Variants in PLEKHG4B observed in about 807,000 individuals in gnomAD.
PLEKHG4B encodes pleckstrin homology and RhoGEF domain containing G4B, also known as pleckstrin homology domain-containing family G member 4B.
Under a neutral mutation model 121.3 loss-of-function variants are expected in PLEKHG4B, and 111 were observed. The observed-to-expected ratio is 0.92, with a 90% confidence interval of 0.78 to 1.07. The LOEUF is 1.07. Among genes scored for constraint, PLEKHG4B ranks in the 50% least tolerant of loss-of-function variants. PLEKHG4B has a pLI of 0.00. For synonymous variants in PLEKHG4B, 738 were observed against 725.0 expected (o/e 1.02, Z -0.29); for missense variants, 1,831 against 1,757.8 (o/e 1.04, Z -0.74).
In PLEKHG4B at chr5:147,270, G is replaced by A. The variant is rs1187406752; in HGVS notation, c.1905+2350G>A. 2.0e-5 allele frequency among the ~76,000 whole-genome samples: 3 copies of A among 152,254 alleles called. No homozygotes were observed. The South Asian group carries it at 6.2e-4, about 31-fold the overall frequency. On this transcript the variant is annotated intron_variant, in intron 6 of 19. Coordinates refer to ENST00000637938, the MANE Select transcript of PLEKHG4B (RefSeq NM_052909.5). ...GCCTCAGGGAGGCCTGGAGCCAGGGGAGGCACTGATCAGAGAGGTTCTGAG... is the reference window on the plus strand; with the variant it reads ...GCCTCAGGGAGGCCTGGAGCCAGGGAAGGCACTGATCAGAGAGGTTCTGAG...
At chr5:153,500 G>T (rs1021970731) in intron 7 of PLEKHG4B, among the ~76,000 whole-genome samples, 2 of 152,150 alleles carry the variant, frequency 1.3e-5, no homozygotes, top group East Asian at 3.8e-4. Context: ...CCCCATGTAT[G>T]CACGGTTCAG....
chr5:126,181 T>G (rs542293871), intron 2 of PLEKHG4B, among the ~76,000 whole-genome samples: 1 of 152,342 alleles, frequency 6.6e-6, no homozygotes, highest in South Asian at 2.1e-4. Flanking sequence ...TCTTCAAATA[T>G]TCTATGCCTT....
chr5:166,347 G>A (rs1579317250), intron 13 of PLEKHG4B, among the ~76,000 whole-genome samples: 3 of 80,070 alleles, frequency 3.7e-5, no homozygotes, highest in Middle Eastern at 9.4e-3. Flanking sequence ...CTGACGGGGC[G>A]GGGCTCACAC....
At chr5:108,047 C>A (rs1397813484) in intron 1 of PLEKHG4B, among the ~76,000 whole-genome samples, 1 of 152,178 alleles carries the variant, frequency 6.6e-6, no homozygotes, top group Non-Finnish European at 1.5e-5. Flanking sequence ...TCTGGAGCAC[C>A]CAGCCATCCC....
chr5:112,111 T>A (rs1734176386), intron 1 of PLEKHG4B, among the ~76,000 whole-genome samples: 1 of 152,184 alleles, frequency 6.6e-6, no homozygotes, highest in African/African-American at 2.4e-5. Flanking sequence ...AGTGGCCCTG[T>A]CGGGTGAGTG....
chr5:158,158 C>T (rs1298452416), intron 11 of PLEKHG4B, among the ~76,000 whole-genome samples: 3 of 151,794 alleles, frequency 2.0e-5, no homozygotes, highest in Non-Finnish European at 2.9e-5. Context: ...CCTCCATCTC[C>T]CCTCCTCCCT....
At chr5:163,681 C>G in intron 13 of PLEKHG4B, 133 bp downstream of exon 13, 2 of 789,282 alleles carry the variant, frequency 2.5e-6, no homozygotes, top group Non-Finnish European at 3.9e-6. Flanking sequence ...TCCACCTGTC[C>G]GGTCTAAGAA....
chr5:175,599 C>T (rs1736736850), intron 18 of PLEKHG4B, among the ~76,000 whole-genome samples: 1 of 150,416 alleles, frequency 6.6e-6, no homozygotes, highest in Non-Finnish European at 1.5e-5. Flanking sequence ...ACGGCTGCAC[C>T]CCGCCTGAGC....
Position 162,957 on chromosome 5 carries a change from C to A in PLEKHG4B, c.2885C>A (p.Ala962Asp), listed in dbSNP as rs1458031981. 3 of 1,559,062 alleles carry A rather than the reference C, an allele frequency of 1.9e-6. 1 individual carries two copies. In the South Asian group the frequency reaches 3.6e-5, roughly 19 times the overall value. The part of the protein sequence containing the change: ...LRLEEALSEA[A>D]PDPSLPPLAQ... ...CTGGAAGAGGCCCTTTCTGAGGCTG[C>A]CCCAGACCCCAGCTTACCGCCCCTT... Residue 962 changes from alanine (A) to aspartate (D), a missense_variant, in exon 13 of 20, where the codon GCC becomes GAC. By Grantham distance (126) the Ala-to-Asp change is moderately radical. Coordinates refer to ENST00000637938, the MANE Select transcript of PLEKHG4B (RefSeq NM_052909.5).
intron 2 of PLEKHG4B, among the ~76,000 whole-genome samples, chr5:126,303 T>C (rs1225369641): frequency 2.0e-5 from 3 of 152,226 alleles, no homozygotes; most frequent in Non-Finnish European, 4.4e-5. Flanking sequence ...AAATCCACCT[T>C]TGAACCCCTT....
At chr5:104,697 G>A (rs1415476446) in intron 1 of PLEKHG4B, among the ~76,000 whole-genome samples, 1 of 152,162 alleles carries the variant, frequency 6.6e-6, no homozygotes, top group Non-Finnish European at 1.5e-5. Context: ...GGCCTTGCCT[G>A]GCCTCAGGCA....
chr5:123,533 C>T (rs553759481), intron 2 of PLEKHG4B, among the ~76,000 whole-genome samples: 1 of 152,264 alleles, frequency 6.6e-6, no homozygotes, highest in South Asian at 2.1e-4. Flanking sequence ...TTTTAAATTA[C>T]TGATTCAATC....
intron 1 of PLEKHG4B, among the ~76,000 whole-genome samples, chr5:102,570 C>A (rs1307052927): frequency 1.3e-5 from 2 of 152,210 alleles, no homozygotes; most frequent in African/African-American, 2.4e-5. Flanking sequence ...TCTGCCCGTG[C>A]TTCCGCCTGT....
rs114838885 is a variant in PLEKHG4B at position 126,961 on chromosome 5, T to C, written c.244-12522T>C. ...GGTTGGACCAGGTGTGACATTTACA[T>C]AGTGTGCGGGTCGGGGAAGCTGGCC... On this transcript the variant is annotated intron_variant, in intron 2 of 19. Transcript: ENST00000637938. Among the ~76,000 whole-genome samples, 429 of 152,286 alleles carry C rather than the reference T, an allele frequency of 2.8e-3. 1 individual carries two copies. The highest frequency in any genetic ancestry group is 9.4e-3 in the African/African-American group (389 of 41,562).
At chr5:104,657 T>A (rs1337633311) in intron 1 of PLEKHG4B, among the ~76,000 whole-genome samples, 1 of 152,182 alleles carries the variant, frequency 6.6e-6, no homozygotes, top group Admixed American at 6.5e-5. Context: ...ATTTTGATAA[T>A]CATTTTTCTG....
At chr5:106,224 C>T (rs966013231) in intron 1 of PLEKHG4B, among the ~76,000 whole-genome samples, 8 of 152,142 alleles carry the variant, frequency 5.3e-5, no homozygotes, top group African/African-American at 1.9e-4. Flanking sequence ...AAGAACTGGG[C>T]ATAGCATATT....
chr5:145,202 C>G (rs2126408644), intron 6 of PLEKHG4B, among the ~76,000 whole-genome samples: 1 of 152,350 alleles, frequency 6.6e-6, no homozygotes, highest in Middle Eastern at 3.4e-3. Flanking sequence ...ACCTAAAATG[C>G]AAAGCCAGCC....
rs1491518792 is a variant in PLEKHG4B at position 141,585 on chromosome 5, C to CA, written c.1477+870dup. 2.6e-5 allele frequency among the ~76,000 whole-genome samples: 4 copies of CA among 151,900 alleles called. No individual in the cohort carries two copies. The East Asian group carries it at 7.9e-4, about 30-fold the overall frequency. Reference sequence around the variant, plus strand: ...GACCTCACATCCAGATCCGTAGACTCAGTTTCCAACTGGAGGCCACATTCA... The same window carrying CA: ...GACCTCACATCCAGATCCGTAGACTCAAGTTTCCAACTGGAGGCCACATTCA... On this transcript the variant is annotated intron_variant, in intron 3 of 19. Transcript: ENST00000637938.
chr5:111,603 C>T (rs945972635), intron 1 of PLEKHG4B, among the ~76,000 whole-genome samples: 6 of 152,146 alleles, frequency 3.9e-5, no homozygotes, highest in South Asian at 4.1e-4. Context: ...ACGTCTCTTC[C>T]GGGGATGGCC....
Sources: gnomAD v4.1 joint callset for allele counts (sites outside exome capture counted in the v4.1 genomes callset) on GRCh38, gnomAD v4.1.1 for gene constraint, MANE v1.5 for transcripts, NCBI Gene and HGNC (gene_info 2026-07-23, HGNC 2026-07-21) for gene names.